Variants in CYLD observed in about 807,000 individuals in gnomAD.
CYLD encodes ubiquitin carboxyl-terminal hydrolase CYLD.
A neutral mutation model predicts 104.5 loss-of-function variants in CYLD; 26 were observed. The observed-to-expected ratio is 0.25, with a 90% CI of 0.18 to 0.35. The LOEUF is 0.35. Ranked by LOEUF, CYLD falls within the 10% of genes least tolerant of loss-of-function variation. The probability of loss-of-function intolerance (pLI) is 1.00; values close to 1 mark genes in which losing one functional copy is unlikely to be tolerated. For synonymous variants in CYLD, 385 were observed against 399.9 expected (o/e 0.96, Z 0.45); for missense variants, 703 against 1,136.1 (o/e 0.62, Z 5.48).
chr16:50,781,209 G>T (rs748595473), intron 9 of CYLD, 37 bp from the exon 10 acceptor site: 1 of 1,611,770 alleles, frequency 6.2e-7, no homozygotes, highest in Non-Finnish European at 8.5e-7. Flanking sequence ...TCTCTGTAAG[G>T]CACGGTATAA....
At chr16:50,781,548 A>G in intron 10 of CYLD, 137 bp downstream of exon 10, 3 of 1,128,708 alleles carry the variant, frequency 2.7e-6, no homozygotes, top group Non-Finnish European at 2.6e-6. Flanking sequence ...ATCAGTAAAA[A>G]TGTTGCATGG....
chr16:50,785,055 G>C (rs1256723041), intron 12 of CYLD: 1 of 153,706 alleles, frequency 6.5e-6, no homozygotes, highest in African/African-American at 2.4e-5. Context: ...GAAGCAATTT[G>C]TAATGGTACA....
At chr16:50,780,924 G>T (rs1970161696) in intron 9 of CYLD, among the ~76,000 whole-genome samples, 2 of 151,846 alleles carry the variant, frequency 1.3e-5, no homozygotes, top group South Asian at 4.2e-4. Flanking sequence ...AAAATAAATA[G>T]CCTTCTCCTT....
chr16:50,761,224 A>G (rs1441277642), intron 5 of CYLD, among the ~76,000 whole-genome samples: 1 of 151,780 alleles, frequency 6.6e-6, no homozygotes, highest in Non-Finnish European at 1.5e-5. Flanking sequence ...TTCCACCCTC[A>G]TTTGTCATTT....
rs773384548 is a variant in CYLD at position 50,794,222 on chromosome 16, A to C, written c.2480A>C (p.His827Pro). ...CKTCNTQVHLHPKRLNHKYNP... is the reference protein window; with the variant it reads ...CKTCNTQVHLPPKRLNHKYNP... ...CATGGTCCATTTTAGGTCCACCTTC[A>C]TCCGAAGAGGCTGAATCATAAATAT... Residue 827 changes from histidine to proline, a missense_variant, in exon 18 of 19, where the codon CAT (histidine) becomes CCT (proline). By Grantham distance (77) the His-to-Pro change is moderately conservative (BLOSUM62 -2). Transcript: ENST00000427738. The surrounding 1 kb of genome is among the most constrained non-coding windows in gnomAD (Gnocchi z 4.1). 6.2e-7 allele frequency: 1 copy of C among 1,614,068 alleles called. No individual in the cohort carries two copies. The highest frequency in any genetic ancestry group is 1.1e-5 in the South Asian group (1 of 91,084).
intron 3 of CYLD, among the ~76,000 whole-genome samples, chr16:50,750,536 A>G (rs1966532881): frequency 6.6e-6 from 1 of 152,180 alleles, no homozygotes. Flanking sequence ...ACATTCTTGC[A>G]AATAGAATTG....
chr16:50,784,931 C>G (rs1465060106), intron 12 of CYLD: 1 of 156,810 alleles, frequency 6.4e-6, no homozygotes, highest in East Asian at 1.9e-4. Context: ...TATTTTAGTA[C>G]CATATTTTTT....
chr16:50,770,159 T>C (rs1460551385), intron 5 of CYLD, among the ~76,000 whole-genome samples: 1 of 152,198 alleles, frequency 6.6e-6, no homozygotes, highest in Non-Finnish European at 1.5e-5. Context: ...TTTCTTGACA[T>C]AATTGTCCAA....
At chr16:50,748,887 C>T (rs1318061084) in intron 2 of CYLD, among the ~76,000 whole-genome samples, 1 of 152,170 alleles carries the variant, frequency 6.6e-6, no homozygotes, top group African/African-American at 2.4e-5. Flanking sequence ...GCCCGAAACG[C>T]TACTTTTAAA....
chr16:50,771,633 G>T (rs1024181700), intron 5 of CYLD, among the ~76,000 whole-genome samples: 1 of 152,098 alleles, frequency 6.6e-6, no homozygotes, highest in African/African-American at 2.4e-5. Context: ...CAATGTATGA[G>T]GGTTCTAATT....
chr16:50,779,689 T>C lies in CYLD; in HGVS notation c.1163T>C (p.Leu388Pro), dbSNP rs199606039. 5.0e-6 allele frequency: 8 copies of C among 1,613,918 alleles called. No individual in the cohort carries two copies. The highest frequency in any genetic ancestry group is 6.8e-6 in the Non-Finnish European group (8 of 1,179,910). ...GTTGCAGAAGACCCTGCAAAATCTC[T>C]TACAGAGATATCTACAGACTTTGAC... ...DEVAEDPAKS[L>P]TEISTDFDRS... The change falls in exon 9 of 19, where the codon CTT becomes CCT. Residue 388 changes from leucine (L) to proline (P), a missense_variant. Around this residue, in one of 5 missense-constraint regions of CYLD, gnomAD observed 183 missense variants for 212.1 expected, o/e 0.86. Coordinates refer to ENST00000427738, the MANE Select transcript of CYLD (RefSeq NM_001378743.1).
chr16:50,779,229 T>G (rs1027392509), intron 8 of CYLD, among the ~76,000 whole-genome samples: 20 of 152,214 alleles, frequency 1.3e-4, no homozygotes, highest in Non-Finnish European at 2.6e-4. Flanking sequence ...TAAGTATTAA[T>G]TTAGCCATGT....
chr16:50,774,578 C>T (rs1446255468), intron 5 of CYLD, among the ~76,000 whole-genome samples: 1 of 152,160 alleles, frequency 6.6e-6, no homozygotes, highest in Non-Finnish European at 1.5e-5. Context: ...CACTGTGATA[C>T]TGCAATAGTT....
Position 50,781,401 on chromosome 16 carries a change from T to C in CYLD, c.1674T>C (p.Cys558=). 6.2e-7 allele frequency: 1 copy of C among 1,613,548 alleles called. No individual in the cohort carries two copies. The highest frequency in any genetic ancestry group is 8.5e-7 in the Non-Finnish European group (1 of 1,179,850). The stretch of plus-strand genomic sequence containing the variant: ...CGGTTTCCAATCAGATTGAGCGCTG[T>C]AACTCTTTAGGTATTTGGATGCTTT... The part of the protein sequence containing the change: ...LQPVSNQIER[C]NSLAFGGYLS... The change falls in exon 10 of 19, where the codon TGT becomes TGC. Residue 558 remains cysteine, a synonymous_variant. Coordinates refer to ENST00000427738, the MANE Select transcript of CYLD (RefSeq NM_001378743.1).
chr16:50,780,208 A>G (rs1970087746), intron 9 of CYLD, among the ~76,000 whole-genome samples, 164 bp downstream of exon 9: 1 of 152,176 alleles, frequency 6.6e-6, no homozygotes, highest in Non-Finnish European at 1.5e-5. Context: ...GCCGCCCCTG[A>G]AGCTTGCGAC....
At chr16:50,763,798 G>T (rs993849801) in intron 5 of CYLD, among the ~76,000 whole-genome samples, 9 of 151,998 alleles carry the variant, frequency 5.9e-5, no homozygotes, top group African/African-American at 2.2e-4. Context: ...GTGATGGAAG[G>T]CATCTTGGCC....
chr16:50,795,818 C>T (rs1971985144), intron 18 of CYLD: 1 of 558,328 alleles, frequency 1.8e-6, no homozygotes, highest in Non-Finnish European at 3.2e-6. Flanking sequence ...CCTGGAATCT[C>T]TGAAATCACA....
At chr16:50,762,160 C>T (rs1468003580) in intron 5 of CYLD, among the ~76,000 whole-genome samples, 2 of 151,946 alleles carry the variant, frequency 1.3e-5, no homozygotes, top group Non-Finnish European at 2.9e-5. Flanking sequence ...CCATCATCCA[C>T]CCCCCGCCAC....
intron 5 of CYLD, among the ~76,000 whole-genome samples, chr16:50,768,531 T>C (rs1968768348): frequency 6.6e-6 from 1 of 152,230 alleles, no homozygotes; most frequent in Non-Finnish European, 1.5e-5. Context: ...CTTGTAATAG[T>C]TGGCTTCTGA....
Sources: gnomAD v4.1 joint callset for allele counts (sites outside exome capture counted in the v4.1 genomes callset) on GRCh38, gnomAD v4.1.1 for gene constraint, gnomAD v4.1.1 regional missense constraint, Gnocchi (gnomAD v3.1) non-coding constraint, MANE v1.5 for transcripts, NCBI Gene and HGNC (gene_info 2026-07-23, HGNC 2026-07-21) for gene names.